CHST15: variants seen among roughly 807,000 people sequenced by gnomAD.
CHST15 encodes carbohydrate sulfotransferase 15, also known as B cell RAG associated protein (GALNAC4S-6ST).
In CHST15, 30 loss-of-function variants were observed where a neutral mutation model predicts 53.6. The ratio of observed to expected loss-of-function variants is 0.56; its 90% CI spans 0.42 to 0.76. CHST15 has a LOEUF of 0.76. Ranked by LOEUF, CHST15 falls within the 30% of genes least tolerant of loss-of-function variation. CHST15 has a pLI of 0.00. For synonymous variants in CHST15, 296 were observed against 289.8 expected, an observed-to-expected ratio of 1.02 and a Z score of -0.22; for missense variants, 627 against 740.5, an observed-to-expected ratio of 0.85 and a Z score of 1.78.
In CHST15 at chr10:124,009,181, T is replaced by A. The variant is rs183021824; in HGVS notation, c.*968A>T. On this transcript the variant is annotated 3_prime_UTR_variant, in exon 8 of 8. Coordinates refer to ENST00000435907, the MANE Select transcript of CHST15 (RefSeq NM_001270764.2). ...TTAAAATCCTCTGTTTCTCTGATGA[T>A]CTTGTAAACCTGATGAGGGCTTGAA... 203 of 1,183,512 alleles carry A rather than the reference T, an allele frequency of 1.7e-4. No individual in the cohort carries two copies. The African/African-American group carries it at 2.9e-3, about 17-fold the overall frequency. The allele number at this position is 1,183,512 out of a possible 1,614,324, so 73.3% of individuals were successfully genotyped here. A position where few individuals can be genotyped will look rare whatever the true frequency, so the allele number is the denominator to read the frequency against.
At chr10:124,061,205 G>T (rs1381862180) in intron 1 of CHST15, among the ~76,000 whole-genome samples, 1 of 152,140 alleles carries the variant, frequency 6.6e-6, no homozygotes, top group Non-Finnish European at 1.5e-5. Flanking sequence ...TGGTTTGACT[G>T]TGTGCCCACC....
intron 1 of CHST15, among the ~76,000 whole-genome samples, chr10:124,063,597 T>C (rs1948660637): frequency 6.6e-6 from 1 of 152,136 alleles, no homozygotes; most frequent in African/African-American, 2.4e-5. Context: ...CTTTTTCTTT[T>C]CTCTTTTCCA....
chr10:124,074,220 G>A lies in CHST15; in HGVS notation c.-513+19249C>T, dbSNP rs570684518. Among the ~76,000 whole-genome samples, 23 of 152,260 alleles carry A rather than the reference G, an allele frequency of 1.5e-4. No homozygotes were observed. The highest frequency in any genetic ancestry group is 4.8e-4 in the African/African-American group (20 of 41,548). On this transcript the variant is annotated intron_variant, in intron 1 of 7. Transcript: ENST00000435907. This position sits in a 1 kb window ranked among gnomAD's most constrained non-coding sequence, Gnocchi z 4.4. ...CATTTCTGCAGGGCCAGTGCCCCCC[G>A]GCTGGGAAAGACACCGAACCCTTGC...
At chr10:124,047,112 A>G (rs369634178) in intron 1 of CHST15, among the ~76,000 whole-genome samples, 4 of 152,336 alleles carry the variant, frequency 2.6e-5, no homozygotes, top group African/African-American at 9.6e-5. Flanking sequence ...AATTTGAGGG[A>G]TGGATTGAAA....
chr10:124,088,577 C>T (rs932211678), intron 1 of CHST15, among the ~76,000 whole-genome samples: 8 of 152,214 alleles, frequency 5.3e-5, no homozygotes, highest in Non-Finnish European at 7.3e-5. Flanking sequence ...CCCTTATTTC[C>T]CTCCTGCCTC....
At chr10:124,061,215 C>A (rs1948560795) in intron 1 of CHST15, among the ~76,000 whole-genome samples, 1 of 152,128 alleles carries the variant, frequency 6.6e-6, no homozygotes, top group Non-Finnish European at 1.5e-5. Flanking sequence ...GTGTGCCCAC[C>A]CAAATCTCAA....
chr10:124,023,060 C>A, intron 5 of CHST15, among the ~76,000 whole-genome samples: 1 of 151,962 alleles, frequency 6.6e-6, no homozygotes, highest in East Asian at 1.9e-4. Flanking sequence ...CTCAACTGAT[C>A]CACCTGCCTC....
intron 1 of CHST15, among the ~76,000 whole-genome samples, chr10:124,066,090 T>C (rs1948743424): frequency 6.6e-6 from 1 of 152,164 alleles, no homozygotes; most frequent in South Asian, 2.1e-4. Flanking sequence ...TCCCCTCTTC[T>C]ACCCTTCAGA....
At chr10:124,035,324 G>C (rs1947441595) in intron 5 of CHST15, among the ~76,000 whole-genome samples, 1 of 142,632 alleles carries the variant, frequency 7.0e-6, no homozygotes. Context: ...CCCACTAACA[G>C]GGACCCTGGC....
rs146822958 is a variant in CHST15, at chr10:124,072,942, AG to A, written c.-513+20526del. Among the ~76,000 whole-genome samples the A allele has an allele frequency of 3.0e-3, 461 of 152,262 alleles. 1 individual carries two copies. Among genetic ancestry groups the A allele is most frequent in the African/African-American group, 0.01 (428 of 41,552 alleles). Reference sequence around the variant, plus strand: ...TTTGGGAACTTGGGCAGAGGACAAAAGGGAGTCAGTCTCACCTTACATTTTT... The same window carrying A: ...TTTGGGAACTTGGGCAGAGGACAAAAGGAGTCAGTCTCACCTTACATTTTT... On this transcript the variant is annotated intron_variant, in intron 1 of 7. Coordinates refer to ENST00000435907, the MANE Select transcript of CHST15 (RefSeq NM_001270764.2).
intron 1 of CHST15, among the ~76,000 whole-genome samples, chr10:124,057,314 G>A (rs1014020180): frequency 2.0e-4 from 30 of 152,214 alleles, no homozygotes; most frequent in African/African-American, 6.5e-4. Flanking sequence ...TGCAGTGAGC[G>A]TTGACTAGCC....
At chr10:124,067,844 T>C (rs1948795283) in intron 1 of CHST15, among the ~76,000 whole-genome samples, 1 of 152,154 alleles carries the variant, frequency 6.6e-6, no homozygotes, top group Admixed American at 6.5e-5. Flanking sequence ...CTCGAACACC[T>C]GATCTCGTGA....
intron 7 of CHST15, among the ~76,000 whole-genome samples, chr10:124,012,113 T>G (rs1402098509): frequency 1.3e-5 from 2 of 152,160 alleles, no homozygotes; most frequent in Non-Finnish European, 2.9e-5. Context: ...AACCATCTCC[T>G]TCTCTCCAGA....
In CHST15 at chr10:124,012,455, G is replaced by A; in HGVS notation, c.1373C>T (p.Ala458Val). 1 of 1,614,058 alleles carries A rather than the reference G, an allele frequency of 6.2e-7. No individual in the cohort carries two copies. The change falls in exon 7 of 8, where the codon GCT becomes GTT. Residue 458 changes from alanine to valine, a missense_variant. Transcript: ENST00000435907. Reference protein sequence around the residue: ...MPVRLQVGLYAVYLLDWLSVF... With the variant: ...MPVRLQVGLYVVYLLDWLSVF... The stretch of plus-strand genomic sequence containing the variant: ...GCTGAGCCAGTCCAGAAGGTACACA[G>A]CATAGAGCCCAACCTGGAGCCTCAC...
intron 1 of CHST15, among the ~76,000 whole-genome samples, chr10:124,046,977 C>T (rs557143942): frequency 1.3e-5 from 2 of 152,342 alleles, no homozygotes; most frequent in African/African-American, 4.8e-5. Flanking sequence ...CCACATCAAA[C>T]GTCTCACATT....
intron 1 of CHST15, among the ~76,000 whole-genome samples, chr10:124,084,381 G>A (rs1204184653): frequency 2.0e-5 from 3 of 152,124 alleles, no homozygotes; most frequent in Non-Finnish European, 4.4e-5. Flanking sequence ...GACCTCCATG[G>A]CCCAACCTTC....
At position 124,045,962 on chromosome 10, in the gene CHST15, A is replaced by T. The variant is rs758631336; in HGVS notation, c.251T>A (p.Phe84Tyr). Residue 84 changes from phenylalanine to tyrosine, a missense_variant, in exon 2 of 8, where the codon TTT (phenylalanine) becomes TAT (tyrosine). This residue lies in a region of CHST15 where 187 missense variants were observed against 251.8 expected (regional missense o/e 0.74). Coordinates refer to ENST00000435907, the MANE Select transcript of CHST15 (RefSeq NM_001270764.2). ...FKKGKRCSLV[F>Y]GLIIMTLVMA... ...TACCAAGGTCATTATTATCAGTCCA[A>T]AAACGAGGCTACATCGCTTCCCCTT... 6.2e-7 allele frequency: 1 copy of T among 1,614,180 alleles called. No homozygotes were observed. The highest frequency in any genetic ancestry group is 1.1e-5 in the South Asian group (1 of 91,078).
intron 1 of CHST15, among the ~76,000 whole-genome samples, chr10:124,082,848 C>T (rs560653544): frequency 2.6e-5 from 4 of 152,260 alleles, no homozygotes; most frequent in African/African-American, 4.8e-5. Context: ...TCTGCTCATA[C>T]GAAAGTCCAC....
chr10:124,043,905 G>C (rs1170215757), intron 3 of CHST15, among the ~76,000 whole-genome samples: 1 of 143,266 alleles, frequency 7.0e-6, no homozygotes, highest in Non-Finnish European at 1.5e-5. Context: ...CACAGAGCAG[G>C]GGAACAGCAC....
Sources: allele counts gnomAD v4.1 joint callset (sites outside exome capture counted in the v4.1 genomes callset), GRCh38; gene constraint gnomAD v4.1.1; regional missense constraint gnomAD v4.1.1; non-coding constraint Gnocchi (gnomAD v3.1); transcripts MANE v1.5; gene names NCBI Gene and HGNC (gene_info 2026-07-23, HGNC 2026-07-21).